The following CADPS2 variants were observed in gnomAD, a reference collection of about 807,000 sequenced individuals.
CADPS2 encodes the protein calcium dependent secretion activator 2.
In CADPS2, 93 loss-of-function variants were observed where a neutral mutation model predicts 172.5. That is an observed-to-expected ratio of 0.54 (90% confidence interval 0.46 to 0.64). CADPS2 has a LOEUF of 0.64. Among genes scored for constraint, CADPS2 ranks in the 30% least tolerant of loss-of-function variants. The pLI, the probability that CADPS2 is intolerant of heterozygous loss-of-function variation, is 0.00. For missense variants in CADPS2, 1,420 were observed against 1,565.9 expected (o/e 0.91, Z 1.57); for synonymous variants, 546 against 555.2 (o/e 0.98, Z 0.23).
chr7:122,423,141 T>C (rs76126779), intron 17 of CADPS2, among the ~76,000 whole-genome samples: 316 of 152,254 alleles, frequency 2.1e-3, no homozygotes, highest in Non-Finnish European at 3.2e-3. Context: ...TCTAAATTTT[T>C]ATCTAGATTT....
chr7:122,782,055 C>T (rs1475496903), intron 1 of CADPS2, among the ~76,000 whole-genome samples: 1 of 152,146 alleles, frequency 6.6e-6, no homozygotes, highest in Admixed American at 6.5e-5. Flanking sequence ...GAATTTCTCA[C>T]TATTTTACAG....
At chr7:122,823,436 C>T (rs1803970505) in intron 1 of CADPS2, among the ~76,000 whole-genome samples, 1 of 151,976 alleles carries the variant, frequency 6.6e-6, no homozygotes, top group African/African-American at 2.4e-5. Context: ...TACTTTACCC[C>T]CTGCCCCCAG....
intron 3 of CADPS2, among the ~76,000 whole-genome samples, chr7:122,640,605 C>T (rs2077522790): frequency 6.6e-6 from 1 of 151,600 alleles, no homozygotes; most frequent in South Asian, 2.1e-4. Flanking sequence ...TGTTTCCATG[C>T]TGTTCCCTAA....
chr7:122,740,868 T>C (rs1006296262), intron 1 of CADPS2, among the ~76,000 whole-genome samples: 5 of 152,068 alleles, frequency 3.3e-5, no homozygotes, highest in African/African-American at 1.2e-4. Flanking sequence ...TATGTTCAGA[T>C]AAAAGACTTA....
chr7:122,325,326 TCTAA>T (rs1349352593), intron 29 of CADPS2, 147 bp downstream of exon 29: 67 of 503,306 alleles, frequency 1.3e-4, no homozygotes, highest in East Asian at 4.0e-4. Flanking sequence ...CATTTATTAA[TCTAA>T]CTAAACGTGG....
chr7:122,609,419 A>G (rs2074013580), intron 6 of CADPS2, among the ~76,000 whole-genome samples: 2 of 152,180 alleles, frequency 1.3e-5, no homozygotes, highest in East Asian at 3.9e-4. Context: ...TCCGTATCTC[A>G]TTCATACAAA....
chr7:122,691,778 C>A (rs2084403218), intron 2 of CADPS2, among the ~76,000 whole-genome samples: 1 of 152,134 alleles, frequency 6.6e-6, no homozygotes, highest in African/African-American at 2.4e-5. Flanking sequence ...GTCAAGCAGT[C>A]CAGCAAGTCC....
intron 2 of CADPS2, chr7:122,698,724 G>A: frequency 6.2e-7 from 1 of 1,613,628 alleles, no homozygotes; most frequent in Non-Finnish European, 8.5e-7. Flanking sequence ...TCAAAGTGGA[G>A]CTTCTTCCAA....
rs1554736247 is a variant in CADPS2 at position 122,705,761 on chromosome 7, A to AATATATATAAT, written c.453+31193_453+31194insATTATATATAT. On this transcript the variant is annotated intron_variant, in intron 2 of 29. Transcript: ENST00000449022. ...ATAATATATAATATATATAATATAT[A>AATATATATAAT]ATATATGATATATTATATAATATAT... is the stretch of plus-strand genomic sequence containing the variant. Among the ~76,000 whole-genome samples, 6 of 4,096 alleles carry AATATATATAAT rather than the reference A, an allele frequency of 1.5e-3. 2 individuals carry two copies. Among genetic ancestry groups the AATATATATAAT allele is most frequent in the East Asian group, 0.015 (1 of 68 alleles). The allele number at this position is 4,096 out of a possible 152,430, so 2.7% of individuals were successfully genotyped here. A position where few individuals can be genotyped will look rare whatever the true frequency, so the allele number is the denominator to read the frequency against.
At position 122,407,548 on chromosome 7, in the gene CADPS2, C is replaced by CGGA. The variant is rs775176706; in HGVS notation, c.2735_2737dup (p.Leu912dup). 6.2e-7 allele frequency: 1 copy of CGGA among 1,610,284 alleles called. No homozygotes were observed. Among genetic ancestry groups the CGGA allele is most frequent in the Non-Finnish European group, 8.5e-7 (1 of 1,178,486 alleles). Reference sequence around the variant, plus strand: ...AAAACGCAAATGCTCACTGTCATTTCGGAGGAAATTATTAAGCAGTTGGAA... The same window carrying CGGA: ...AAAACGCAAATGCTCACTGTCATTTCGGAGGAGGAAATTATTAAGCAGTTGGAA... On this transcript the variant is annotated inframe_insertion, in exon 20 of 30. Coordinates refer to ENST00000449022, the MANE Select transcript of CADPS2 (RefSeq NM_017954.11).
rs1406496268 is a variant in CADPS2, at chr7:122,587,629, C to G, written c.1224-6339G>C. ...GATTTATATTCCTTTGGTATATACCCAGTAATGGGATTGCTGTGTCAATTC... is the reference window on the plus strand; with the variant it reads ...GATTTATATTCCTTTGGTATATACCGAGTAATGGGATTGCTGTGTCAATTC... On this transcript the variant is annotated intron_variant, in intron 6 of 29. Coordinates refer to ENST00000449022, the MANE Select transcript of CADPS2 (RefSeq NM_017954.11). Among the ~76,000 whole-genome samples the G allele has an allele frequency of 7.2e-5, 11 of 152,086 alleles. No individual in the cohort carries two copies. The East Asian group carries it at 1.7e-3, about 24-fold the overall frequency.
At chr7:122,545,091 C>G (rs2131730267) in intron 8 of CADPS2, among the ~76,000 whole-genome samples, 1 of 152,254 alleles carries the variant, frequency 6.6e-6, no homozygotes, top group East Asian at 1.9e-4. Flanking sequence ...TGCCCCACCT[C>G]CCATTCCAGA....
At chr7:122,416,701 C>T (rs1403305814) in intron 17 of CADPS2, among the ~76,000 whole-genome samples, 1 of 152,196 alleles carries the variant, frequency 6.6e-6, no homozygotes, top group African/African-American at 2.4e-5. Flanking sequence ...TATTTCCCAG[C>T]CACCATCCCA....
intron 2 of CADPS2, among the ~76,000 whole-genome samples, chr7:122,720,232 C>A (rs2090198707): frequency 6.6e-6 from 1 of 151,808 alleles, no homozygotes; most frequent in Non-Finnish European, 1.5e-5. Context: ...AACCACAATA[C>A]CATTTAATTA....
At chr7:122,441,296 G>A (rs1375362056) in intron 16 of CADPS2, among the ~76,000 whole-genome samples, 4 of 152,118 alleles carry the variant, frequency 2.6e-5, no homozygotes, top group African/African-American at 2.4e-5. Context: ...CATAATATGA[G>A]GATAGGATTT....
intron 27 of CADPS2, among the ~76,000 whole-genome samples, chr7:122,358,326 T>C (rs1319887616): frequency 2.0e-5 from 3 of 152,160 alleles, no homozygotes; most frequent in East Asian, 3.8e-4. Context: ...GTTGTTTTCA[T>C]ATTGTTGAAT....
chr7:122,491,449 TA>T, intron 9 of CADPS2, 29 bp from the exon 10 acceptor site: 1 of 1,297,570 alleles, frequency 7.7e-7, no homozygotes, highest in Non-Finnish European at 1.1e-6. Flanking sequence ...GTTTACAGAT[TA>T]GTCACATTAA....
intron 1 of CADPS2, among the ~76,000 whole-genome samples, chr7:122,867,529 G>C (rs897481014): frequency 2.0e-5 from 3 of 152,132 alleles, no homozygotes; most frequent in Admixed American, 2.0e-4. Context: ...CCAACTTTTA[G>C]AGTCCCTGCT....
At chr7:122,501,450 T>C (rs1345853509) in intron 9 of CADPS2, among the ~76,000 whole-genome samples, 2 of 152,048 alleles carry the variant, frequency 1.3e-5, no homozygotes, top group Admixed American at 6.6e-5. Context: ...TCTAAGTAAT[T>C]CTCTCACACT....
Sources: gnomAD v4.1 joint callset for allele counts (sites outside exome capture counted in the v4.1 genomes callset) on GRCh38, gnomAD v4.1.1 for gene constraint, MANE v1.5 for transcripts, NCBI Gene and HGNC (gene_info 2026-07-23, HGNC 2026-07-21) for gene names.